The following KEAP1 variants were observed in gnomAD, a reference collection of about 807,000 sequenced individuals.
KEAP1 encodes kelch like ECH associated protein 1.
Under a neutral mutation model 59.7 loss-of-function variants are expected in KEAP1, and 26 were observed. The ratio of observed to expected loss-of-function variants is 0.44; its 90% CI spans 0.32 to 0.60. The LOEUF (loss-of-function observed/expected upper bound fraction) is 0.60. Ranked by LOEUF, KEAP1 falls within the 20% of genes least tolerant of loss-of-function variation. KEAP1 has a pLI of 0.06. For missense variants in KEAP1, 539 were observed against 871.4 expected (o/e 0.62, Z 4.80); for synonymous variants, 350 against 358.3 (o/e 0.98, Z 0.26).
At position 10,491,307 on chromosome 19, in the gene KEAP1, C is replaced by A. The variant is rs144349559; in HGVS notation, c.1325+270G>T. 1.3e-5 allele frequency among the ~76,000 whole-genome samples: 2 copies of A among 152,228 alleles called. No homozygotes were observed. Among genetic ancestry groups the A allele is most frequent in the African/African-American group, 4.8e-5 (2 of 41,550 alleles). On this transcript the variant is annotated intron_variant, in intron 3 of 5. Transcript: ENST00000171111. This position sits in a 1 kb window ranked among gnomAD's most constrained non-coding sequence, Gnocchi z 5.2. ...TATAGGTATGGGCCACAGTGCCTAG[C>A]CCAACAATTTCAAACTGATGGAACA...
Position 10,502,753 on chromosome 19 carries a change from C to T in KEAP1, c.-48+488G>A, listed in dbSNP as rs1915088473. ...ACCGCCCGAGCCCCGGCGCCTCCAT[C>T]GCTGCGCGTGGGGGAGGCGCGGAGC... On this transcript the variant is annotated intron_variant, in intron 1 of 5. Transcript: ENST00000171111. This position sits in a 1 kb window ranked among gnomAD's most constrained non-coding sequence, Gnocchi z 4.0. The T allele has an allele frequency of 6.6e-6, 1 of 152,074 alleles. No homozygotes were observed. The highest frequency in any genetic ancestry group is 1.5e-5 in the Non-Finnish European group (1 of 68,024). 9.4% of individuals were successfully genotyped at this position (152,074 alleles called of 1,614,324 possible).
At chr19:10,490,802 C>G (rs1490521097) in intron 3 of KEAP1, 1 of 152,196 alleles carries the variant, frequency 6.6e-6, no homozygotes, top group East Asian at 1.9e-4. Context: ...CCATCAATTG[C>G]TCAAGTTCAA....
chr19:10,498,325 G>A (rs938974819), intron 2 of KEAP1, among the ~76,000 whole-genome samples: 9 of 150,960 alleles, frequency 6.0e-5, no homozygotes, highest in South Asian at 2.1e-4. Flanking sequence ...TCAGCCTCTC[G>A]AGTAGCAGGG....
chr19:10,494,314 A>G (rs1391874831), intron 2 of KEAP1, among the ~76,000 whole-genome samples: 1 of 146,910 alleles, frequency 6.8e-6, no homozygotes, highest in Non-Finnish European at 1.5e-5. Context: ...GTGCATCACC[A>G]TACCTGGCTT....
intron 5 of KEAP1, among the ~76,000 whole-genome samples, chr19:10,487,687 A>T (rs1170096014): frequency 6.6e-6 from 1 of 151,828 alleles, no homozygotes; most frequent in Non-Finnish European, 1.5e-5. Context: ...AACAAAAAAT[A>T]AAAAAATAAA....
Position 10,489,855 on chromosome 19 carries a change from T to A in KEAP1, c.1326-2A>T, listed in dbSNP as rs2144591485. 6.2e-7 allele frequency: 1 copy of A among 1,611,950 alleles called. No individual in the cohort carries two copies. Among genetic ancestry groups the A allele is most frequent in the Non-Finnish European group, 8.5e-7 (1 of 1,179,032 alleles). On this transcript the variant is annotated splice_acceptor_variant, in intron 3 of 5. Coordinates refer to ENST00000171111, the MANE Select transcript of KEAP1 (RefSeq NM_203500.2). LOFTEE classifies it high-confidence loss of function. ...CACTCATCCCGCTCTGGCTCATACCTGCAAGGGCGTAAGAAAAATGGGGAC... is the reference window on the plus strand; with the variant it reads ...CACTCATCCCGCTCTGGCTCATACCAGCAAGGGCGTAAGAAAAATGGGGAC...
Position 10,489,943 on chromosome 19 carries a change from T to C in KEAP1, c.1326-90A>G, listed in dbSNP as rs559984935. On this transcript the variant is annotated intron_variant, in intron 3 of 5. Coordinates refer to ENST00000171111, the MANE Select transcript of KEAP1 (RefSeq NM_203500.2). Reference sequence around the variant, plus strand: ...GGCCAGATACTCTTTTTTTTCCTTTTTTTTTTCCCCCTTAAAGAGACAGGT... The same window carrying C: ...GGCCAGATACTCTTTTTTTTCCTTTCTTTTTTCCCCCTTAAAGAGACAGGT... 4.4e-5 allele frequency: 57 copies of C among 1,288,038 alleles called. 1 individual carries two copies. The highest frequency in any genetic ancestry group is 5.9e-5 in the Non-Finnish European group (55 of 929,692). 79.8% of individuals were successfully genotyped at this position (1,288,038 alleles called of 1,614,324 possible).
At chr19:10,497,415 C>T (rs529639999) in intron 2 of KEAP1, among the ~76,000 whole-genome samples, 1 of 152,280 alleles carries the variant, frequency 6.6e-6, no homozygotes, top group South Asian at 2.1e-4. Context: ...TAGAAAATTT[C>T]CAGGAAGGAA....
chr19:10,501,709 C>A (rs182715773), intron 1 of KEAP1, among the ~76,000 whole-genome samples: 1 of 152,100 alleles, frequency 6.6e-6, no homozygotes, highest in Admixed American at 6.6e-5. Flanking sequence ...CCACGATGGG[C>A]TAATTTTTTG....
intron 4 of KEAP1, 24 bp from the exon 5 acceptor site, chr19:10,489,392 G>A (rs2144588028): frequency 6.3e-7 from 1 of 1,599,216 alleles, no homozygotes; most frequent in East Asian, 2.2e-5. Context: ...TGCAGAGAAG[G>A]TGACTCTGGG....
chr19:10,491,219 T>C lies in KEAP1; in HGVS notation c.1325+358A>G, dbSNP rs146383693. 6.6e-6 allele frequency among the ~76,000 whole-genome samples: 1 copy of C among 152,030 alleles called. No homozygotes were observed. The highest frequency in any genetic ancestry group is 1.9e-4 in the East Asian group (1 of 5,162). ...GCAAGAGAGACAGGGTCTTACTCTA[T>C]TGCCCAGGCTAGTCTCCTGGACTCA... On this transcript the variant is annotated intron_variant, in intron 3 of 5. Transcript: ENST00000171111. This position sits in a 1 kb window ranked among gnomAD's most constrained non-coding sequence, Gnocchi z 5.2.
rs2144626922 is a variant in KEAP1, at chr19:10,499,631, G to A, written c.403C>T (p.Arg135Cys). The change falls in exon 2 of 6, where the codon CGC becomes TGC. Residue 135 changes from arginine to cysteine, a missense_variant. Transcript: ENST00000171111. The surrounding 1 kb of genome is among the most constrained non-coding windows in gnomAD (Gnocchi z 6.7). Reference protein sequence around the residue: ...IEGIHPKVMERLIEFAYTASI... With the variant: ...IEGIHPKVMECLIEFAYTASI... ...GCCGTGTAGGCGAATTCAATGAGGC[G>A]CTCCATGACCTTGGGGTGGATACCC... 1.2e-6 allele frequency: 2 copies of A among 1,614,038 alleles called. No homozygotes were observed. The highest frequency in any genetic ancestry group is 1.7e-6 in the Non-Finnish European group (2 of 1,180,046).
chr19:10,502,552 C>G lies in KEAP1; in HGVS notation c.-48+689G>C, dbSNP rs1442781142. 2 of 152,266 alleles carry G rather than the reference C, an allele frequency of 1.3e-5. No homozygotes were observed. Among genetic ancestry groups the G allele is most frequent in the South Asian group, 2.1e-4 (1 of 4,830 alleles). 9.4% of individuals were successfully genotyped at this position (152,266 alleles called of 1,614,324 possible). On this transcript the variant is annotated intron_variant, in intron 1 of 5. Coordinates refer to ENST00000171111, the MANE Select transcript of KEAP1 (RefSeq NM_203500.2). The surrounding 1 kb of genome is among the most constrained non-coding windows in gnomAD (Gnocchi z 4.0). ...GTCCAACAAAAATATCCACCCAGGTCGCGCCCTCCTGGCCCTCCGAGTCCT... is the reference window on the plus strand; with the variant it reads ...GTCCAACAAAAATATCCACCCAGGTGGCGCCCTCCTGGCCCTCCGAGTCCT...
intron 2 of KEAP1, among the ~76,000 whole-genome samples, chr19:10,495,640 G>A (rs577709472): frequency 6.6e-6 from 1 of 152,162 alleles, no homozygotes; most frequent in South Asian, 2.1e-4. Context: ...AGAGATTGCA[G>A]TGAGCTGAGA....
rs866506877 is a variant in KEAP1 at position 10,501,331 on chromosome 19, G to A, written c.-47-1251C>T. ...TGGCTCACTGCAACCTCTGCCTCCC[G>A]AGTTCAAGATATTCTCGACCGGGCG... On this transcript the variant is annotated intron_variant, in intron 1 of 5. Coordinates refer to ENST00000171111, the MANE Select transcript of KEAP1 (RefSeq NM_203500.2). 4.0e-5 allele frequency among the ~76,000 whole-genome samples: 6 copies of A among 148,930 alleles called. No homozygotes were observed. The Admixed American group carries it at 4.0e-4, about 10-fold the overall frequency.
chr19:10,498,303 G>A (rs1047438025), intron 2 of KEAP1, among the ~76,000 whole-genome samples: 33 of 151,004 alleles, frequency 2.2e-4, no homozygotes, highest in Non-Finnish European at 4.0e-4. Context: ...CGGTTCAAGC[G>A]ATTCTCCTGT....
In KEAP1 at chr19:10,499,274, G is replaced by T. The variant is rs1599490478; in HGVS notation, c.639+121C>A. 3.1e-6 allele frequency: 3 copies of T among 956,088 alleles called. No individual in the cohort carries two copies. The highest frequency in any genetic ancestry group is 2.6e-5 in the East Asian group (1 of 38,068). The allele number at this position is 956,088 out of a possible 1,614,324, so 59.2% of individuals were successfully genotyped here. On this transcript the variant is annotated intron_variant, in intron 2 of 5. Coordinates refer to ENST00000171111, the MANE Select transcript of KEAP1 (RefSeq NM_203500.2). The surrounding 1 kb of genome is among the most constrained non-coding windows in gnomAD (Gnocchi z 6.7). ...TGTGGAGACTACACCACCATACCCA[G>T]CCCAGAACCTCCTTTTTCTCCAGTT...
rs2144625005 is a variant in KEAP1 at position 10,499,477 on chromosome 19, C to A, written c.557G>T (p.Gly186Val). ...VQQLDPSNAI[G>V]IANFAEQIGC... ...AATCTGCTCAGCGAAGTTGGCGATG[C>A]CGATGGCATTGCTGGGGTCCAGCTG... is the stretch of plus-strand genomic sequence containing the variant. The change falls in exon 2 of 6, where the codon GGC (glycine) becomes GTC (valine). Residue 186 changes from glycine (G) to valine (V), a missense_variant. This residue lies in a region of KEAP1 where 166 missense variants were observed against 295.8 expected (regional missense o/e 0.56). Coordinates refer to ENST00000171111, the MANE Select transcript of KEAP1 (RefSeq NM_203500.2). The surrounding 1 kb of genome is among the most constrained non-coding windows in gnomAD (Gnocchi z 6.7). The A allele has an allele frequency of 6.2e-7, 1 of 1,614,160 alleles. No homozygotes were observed. Among genetic ancestry groups the A allele is most frequent in the Non-Finnish European group, 8.5e-7 (1 of 1,180,038 alleles).
intron 3 of KEAP1, chr19:10,490,513 C>T (rs1001637590): frequency 2.0e-5 from 3 of 151,986 alleles, no homozygotes; most frequent in African/African-American, 7.2e-5. Flanking sequence ...TTGGGTTTCG[C>T]CATGTTGGCC....
Sources: gnomAD v4.1 joint callset for allele counts (sites outside exome capture counted in the v4.1 genomes callset) on GRCh38, gnomAD v4.1.1 for gene constraint, gnomAD v4.1.1 regional missense constraint, Gnocchi (gnomAD v3.1) non-coding constraint, MANE v1.5 for transcripts, NCBI Gene and HGNC (gene_info 2026-07-23, HGNC 2026-07-21) for gene names.